TAFA2: variants seen among roughly 807,000 people sequenced by gnomAD.
TAFA2 encodes TAFA chemokine like family member 2.
TAFA2 carries 7 observed loss-of-function variants against 18.8 expected under a neutral mutation model. The observed-to-expected ratio is 0.37, with a 90% CI of 0.21 to 0.70. TAFA2 has a LOEUF of 0.70. Ranked by LOEUF, TAFA2 falls within the 30% of genes least tolerant of loss-of-function variation. TAFA2 has a pLI of 0.53. For synonymous variants in TAFA2, 60 were observed against 54.2 expected (o/e 1.11, Z -0.47); for missense variants, 122 against 158.1 (o/e 0.77, Z 1.23).
intron 1 of TAFA2, among the ~76,000 whole-genome samples, chr12:62,077,727 G>A (rs1464410816): frequency 1.3e-5 from 2 of 152,036 alleles, no homozygotes; most frequent in African/African-American, 4.8e-5. Context: ...TCTGCCCCCA[G>A]AGTTCTTTTC....
At chr12:61,864,625 T>C (rs1270846145) in intron 2 of TAFA2, among the ~76,000 whole-genome samples, 1 of 151,294 alleles carries the variant, frequency 6.6e-6, no homozygotes, top group East Asian at 1.9e-4. Context: ...TACAAAAAAT[T>C]AGTCGGGCGT....
intron 2 of TAFA2, among the ~76,000 whole-genome samples, chr12:61,844,085 T>C (rs1187923259): frequency 6.6e-6 from 1 of 152,200 alleles, no homozygotes; most frequent in Non-Finnish European, 1.5e-5. Context: ...TTTTAAAAGA[T>C]GACAGTTTTG....
chr12:61,737,991 A>G (rs997600183), intron 4 of TAFA2, among the ~76,000 whole-genome samples: 1 of 152,058 alleles, frequency 6.6e-6, no homozygotes, highest in Non-Finnish European at 1.5e-5. Flanking sequence ...ATATTGTAAC[A>G]TATTTTGGTT....
intron 1 of TAFA2, among the ~76,000 whole-genome samples, chr12:62,110,068 G>A (rs1869651189): frequency 7.0e-6 from 1 of 142,814 alleles, no homozygotes. Flanking sequence ...GTTTTCAAAG[G>A]TAATGCTCCA....
At chr12:61,742,322 A>C (rs1868493105) in intron 4 of TAFA2, among the ~76,000 whole-genome samples, 1 of 152,170 alleles carries the variant, frequency 6.6e-6, no homozygotes. Flanking sequence ...TAGGATTATA[A>C]TAAAACAAGT....
chr12:61,923,498 G>T (rs1877147097), intron 1 of TAFA2, among the ~76,000 whole-genome samples: 1 of 152,184 alleles, frequency 6.6e-6, no homozygotes, highest in Non-Finnish European at 1.5e-5. Flanking sequence ...CAGCAGAGGT[G>T]CCTGACTGCT....
At chr12:62,134,187 C>T (rs1431902727) in intron 1 of TAFA2, among the ~76,000 whole-genome samples, 1 of 151,906 alleles carries the variant, frequency 6.6e-6, no homozygotes, top group Non-Finnish European at 1.5e-5. Flanking sequence ...AAACCTACAG[C>T]CTTTCCCAGA....
intron 1 of TAFA2, among the ~76,000 whole-genome samples, chr12:62,109,149 T>A (rs1166864059): frequency 6.6e-6 from 1 of 152,224 alleles, no homozygotes; most frequent in Non-Finnish European, 1.5e-5. Flanking sequence ...CTTGAGTTAA[T>A]TTTTGTATAA....
intron 1 of TAFA2, among the ~76,000 whole-genome samples, chr12:62,110,410 G>A (rs981680006): frequency 2.6e-5 from 4 of 152,058 alleles, no homozygotes; most frequent in Non-Finnish European, 5.9e-5. Flanking sequence ...TCACCTTGAT[G>A]TTCATCAGGG....
At chr12:61,926,375 G>C (rs1218585722) in intron 1 of TAFA2, among the ~76,000 whole-genome samples, 1 of 152,114 alleles carries the variant, frequency 6.6e-6, no homozygotes, top group African/African-American at 2.4e-5. Flanking sequence ...ACCAAAACCT[G>C]GCAGAGACAC....
At chr12:62,197,170 C>T (rs2062652459), upstream of TAFA2, among the ~76,000 whole-genome samples, 1 of 152,174 alleles carries the variant, frequency 6.6e-6, no homozygotes, top group African/African-American at 2.4e-5. Flanking sequence ...GAAATTATCC[C>T]CCACCAACTG....
chr12:61,832,001 A>G (rs776068568), intron 2 of TAFA2, among the ~76,000 whole-genome samples: 3 of 152,114 alleles, frequency 2.0e-5, no homozygotes, highest in Non-Finnish European at 4.4e-5. Context: ...TAATTTTATC[A>G]AAATTTACCA....
At chr12:61,815,342 T>C (rs1281238118) in intron 2 of TAFA2, among the ~76,000 whole-genome samples, 1 of 151,458 alleles carries the variant, frequency 6.6e-6, no homozygotes, top group Non-Finnish European at 1.5e-5. Flanking sequence ...AAGTTTCAGA[T>C]GCCTATTAGA....
chr12:61,955,704 A>T (rs1257914424), intron 1 of TAFA2, among the ~76,000 whole-genome samples: 1 of 140,994 alleles, frequency 7.1e-6, no homozygotes, highest in Non-Finnish European at 1.5e-5. Context: ...GCAAGAACCC[A>T]ACAGTCACAA....
In TAFA2 at chr12:61,716,816, A is replaced by C. The variant is rs998838046; in HGVS notation, c.385-6399T>G. 2.5e-4 allele frequency among the ~76,000 whole-genome samples: 38 copies of C among 152,218 alleles called. 1 individual carries two copies. The highest frequency in any genetic ancestry group is 2.9e-5 in the Non-Finnish European group (2 of 68,044). On this transcript the variant is annotated intron_variant, in intron 4 of 4. Coordinates refer to ENST00000416284, the MANE Select transcript of TAFA2 (RefSeq NM_178539.5). ...CTCTTTAGTTAAACAACTGGAAGAC[A>C]AGAAAATGTGGTAATACTTCTAAGA...
At position 61,934,933 on chromosome 12, in the gene TAFA2, A is replaced by G. The variant is rs373343340; in HGVS notation, c.-1-67507T>C. On this transcript the variant is annotated intron_variant, in intron 1 of 4. Transcript: ENST00000416284. ...TTTTTGAGAAATATTTTTAATGTAT[A>G]AAGTGAAGAACACATATATCTCAGA... is the stretch of plus-strand genomic sequence containing the variant. 3.9e-5 allele frequency among the ~76,000 whole-genome samples: 6 copies of G among 152,340 alleles called. No individual in the cohort carries two copies. In the East Asian group the frequency reaches 5.8e-4, roughly 15 times the overall value.
At chr12:62,178,027 C>T (rs903217722) in intron 1 of TAFA2, among the ~76,000 whole-genome samples, 19 of 152,270 alleles carry the variant, frequency 1.2e-4, no homozygotes, top group South Asian at 4.1e-4. Context: ...CAGTTAGGCA[C>T]GGCAGCTCAC....
chr12:62,024,542 A>G (rs1179272672), intron 1 of TAFA2, among the ~76,000 whole-genome samples: 2 of 152,168 alleles, frequency 1.3e-5, no homozygotes, highest in African/African-American at 4.8e-5. Flanking sequence ...CAATTTGGAC[A>G]TTGGCCTTGG....
At chr12:61,786,203 T>C (rs1870730812) in intron 2 of TAFA2, among the ~76,000 whole-genome samples, 1 of 151,580 alleles carries the variant, frequency 6.6e-6, no homozygotes, top group East Asian at 1.9e-4. Context: ...AATCTTACCA[T>C]GCATAAGGAC....
Sources: gnomAD v4.1 joint callset for allele counts (sites outside exome capture counted in the v4.1 genomes callset) on GRCh38, gnomAD v4.1.1 for gene constraint, MANE v1.5 for transcripts, NCBI Gene and HGNC (gene_info 2026-07-23, HGNC 2026-07-21) for gene names.